Variants in NTM observed in about 807,000 individuals in gnomAD.
NTM encodes the protein IgLON family member 2.
NTM carries 13 observed loss-of-function variants against 42.1 expected under a neutral mutation model. That is an observed-to-expected ratio of 0.31 (90% CI 0.20 to 0.49). NTM has a LOEUF of 0.49. Ranked by LOEUF, NTM falls within the 20% of genes least tolerant of loss-of-function variation. The probability of loss-of-function intolerance (pLI) is 0.99; values close to 1 mark genes in which losing one functional copy is unlikely to be tolerated. For missense variants in NTM, 373 were observed against 452.8 expected, an observed-to-expected ratio of 0.82 and a Z score of 1.60; for synonymous variants, 187 against 179.2, an observed-to-expected ratio of 1.04 and a Z score of -0.35.
intron 1 of NTM, among the ~76,000 whole-genome samples, chr11:131,886,136 A>G (rs1056545388): frequency 5.3e-5 from 8 of 152,224 alleles, no homozygotes; most frequent in African/African-American, 1.7e-4. Context: ...AGCAAGGCTC[A>G]GTGAAGCCAG....
At chr11:131,752,390 C>A (rs1331036821) in intron 1 of NTM, among the ~76,000 whole-genome samples, 1 of 152,158 alleles carries the variant, frequency 6.6e-6, no homozygotes, top group Non-Finnish European at 1.5e-5. Context: ...CAGGAAACAA[C>A]AGGTGCTGGA....
intron 1 of NTM, among the ~76,000 whole-genome samples, chr11:131,612,408 G>A (rs1034478534): frequency 1.1e-4 from 17 of 152,244 alleles, no homozygotes; most frequent in Admixed American, 3.3e-4. Flanking sequence ...AAATGTACTA[G>A]AACTGTGGAG....
At chr11:132,079,404 G>A (rs565201251) in intron 2 of NTM, among the ~76,000 whole-genome samples, 15 of 152,160 alleles carry the variant, frequency 9.9e-5, no homozygotes, top group Admixed American at 2.6e-4. Flanking sequence ...AAACTCTAGC[G>A]CCCGAAGAAA....
intron 4 of NTM, among the ~76,000 whole-genome samples, chr11:132,288,194 A>T (rs2094321939): frequency 6.6e-6 from 1 of 152,172 alleles, no homozygotes; most frequent in African/African-American, 2.4e-5. Context: ...GCAGAATATG[A>T]TTCTTAGTGG....
rs547927625 is a variant in NTM at position 131,890,651 on chromosome 11, T to G, written c.83-20913T>G. Among the ~76,000 whole-genome samples the G allele has an allele frequency of 7.9e-5, 12 of 152,318 alleles. No individual in the cohort carries two copies. In the South Asian group the frequency reaches 2.3e-3, roughly 29 times the overall value. On this transcript the variant is annotated intron_variant, in intron 1 of 8. Transcript: ENST00000683400. ...TTCTCTGAACAACTTTCATCCCTGG[T>G]CAGCTGATTAAAAATAGCACCACTA...
At chr11:132,207,986 A>G (rs956886126) in intron 3 of NTM, among the ~76,000 whole-genome samples, 1 of 152,156 alleles carries the variant, frequency 6.6e-6, no homozygotes, top group African/African-American at 2.4e-5. Context: ...TATCTTATTT[A>G]GTTTATGTCT....
rs997041590 is a variant in NTM at position 132,255,193 on chromosome 11, T to A, written c.526+43046T>A. On this transcript the variant is annotated intron_variant, in intron 4 of 8. Coordinates refer to ENST00000683400, the MANE Select transcript of NTM (RefSeq NM_001352005.2). ...TTTGAGCCTGAACATTTTTTTTATCTCTTTGGTTTGAGTCTGATCTCTTTC... is the reference window on the plus strand; with the variant it reads ...TTTGAGCCTGAACATTTTTTTTATCACTTTGGTTTGAGTCTGATCTCTTTC... 9.1e-4 allele frequency among the ~76,000 whole-genome samples: 138 copies of A among 152,206 alleles called. 1 individual carries two copies. Among genetic ancestry groups the A allele is most frequent in the Non-Finnish European group, 1.3e-4 (9 of 68,046 alleles).
chr11:131,500,258 T>C (rs916488334), intron 1 of NTM, among the ~76,000 whole-genome samples: 2 of 152,150 alleles, frequency 1.3e-5, no homozygotes, highest in African/African-American at 4.8e-5. Flanking sequence ...ACTCCTTCCT[T>C]TCTCTCTTTG....
At chr11:131,839,454 C>A (rs569429666) in intron 1 of NTM, among the ~76,000 whole-genome samples, 2 of 152,154 alleles carry the variant, frequency 1.3e-5, no homozygotes, top group Non-Finnish European at 2.9e-5. Flanking sequence ...GAAAGAAAGT[C>A]CACCTGAGGA....
intron 1 of NTM, among the ~76,000 whole-genome samples, chr11:131,860,514 A>T (rs771736111): frequency 6.6e-6 from 1 of 152,208 alleles, no homozygotes; most frequent in Non-Finnish European, 1.5e-5. Flanking sequence ...CGCTGGTCAT[A>T]TCGTCACCCT....
chr11:131,841,306 C>T (rs1417729497), intron 1 of NTM, among the ~76,000 whole-genome samples: 1 of 152,182 alleles, frequency 6.6e-6, no homozygotes, highest in Non-Finnish European at 1.5e-5. Context: ...TGGTGTTTTT[C>T]ACATCAGAAT....
intron 8 of NTM, among the ~76,000 whole-genome samples, chr11:132,333,672 G>T (rs922164488): frequency 1.3e-5 from 2 of 152,140 alleles, no homozygotes; most frequent in African/African-American, 4.8e-5. Context: ...TCAGCATGGG[G>T]ATCTGCACCT....
rs869096219 is a variant in NTM at position 131,873,611 on chromosome 11, CCGTATATATAT to C, written c.83-37952_83-37942del. Among the ~76,000 whole-genome samples the C allele has an allele frequency of 1.9e-3, 81 of 43,434 alleles. 2 individuals carry two copies. Among genetic ancestry groups the C allele is most frequent in the East Asian group, 9.9e-3 (11 of 1,106 alleles). 28.5% of individuals were successfully genotyped at this position (43,434 alleles called of 152,430 possible). A position where few individuals can be genotyped will look rare whatever the true frequency, so the allele number is the denominator to read the frequency against. On this transcript the variant is annotated intron_variant, in intron 1 of 8. Coordinates refer to ENST00000683400, the MANE Select transcript of NTM (RefSeq NM_001352005.2). ...CCGTATATATATACATATATATATACCGTATATATATACATATATATATACACATATATATA... is the reference window on the plus strand; with the variant it reads ...CCGTATATATATACATATATATATACACATATATATATACACATATATATA...
chr11:131,774,980 C>T (rs1362337974), intron 1 of NTM, among the ~76,000 whole-genome samples: 1 of 152,176 alleles, frequency 6.6e-6, no homozygotes, highest in African/African-American at 2.4e-5. Flanking sequence ...GCACATCTCT[C>T]TGGGAGTTTT....
chr11:132,138,916 C>T (rs969982798), intron 2 of NTM, among the ~76,000 whole-genome samples: 1 of 152,200 alleles, frequency 6.6e-6, no homozygotes, highest in African/African-American at 2.4e-5. Flanking sequence ...TACCAGCTGT[C>T]TGGCATCCCA....
chr11:131,382,413 C>A (rs1431165699), intron 1 of NTM, among the ~76,000 whole-genome samples: 1 of 152,078 alleles, frequency 6.6e-6, no homozygotes, highest in Non-Finnish European at 1.5e-5. Context: ...ATATCTCAAA[C>A]TGATAGGGGG....
rs549281420 is a variant in NTM, at chr11:132,198,263, T to TGGTGCAGTCTTGGCTC, written c.401-13758_401-13743dup. Among the ~76,000 whole-genome samples, 1,251 of 152,332 alleles carry TGGTGCAGTCTTGGCTC rather than the reference T, an allele frequency of 8.2e-3. 5 individuals are homozygous for TGGTGCAGTCTTGGCTC. Among genetic ancestry groups the TGGTGCAGTCTTGGCTC allele is most frequent in the South Asian group, 0.025 (122 of 4,828 alleles). ...CCATGATGCCCTTGCTGGGGTGCAG[T>TGGTGCAGTCTTGGCTC]GGTGCAGTCTTGGCTCACTGCAGCC... On this transcript the variant is annotated intron_variant, in intron 3 of 8. Transcript: ENST00000683400.
intron 2 of NTM, among the ~76,000 whole-genome samples, chr11:131,967,967 T>A (rs1054443171): frequency 6.6e-6 from 1 of 152,140 alleles, no homozygotes; most frequent in African/African-American, 2.4e-5. Context: ...CTCCCCAAAG[T>A]CCCTTGACCT....
At position 131,996,703 on chromosome 11, in the gene NTM, C is replaced by T. The variant is rs368148381; in HGVS notation, c.167+85055C>T. Among the ~76,000 whole-genome samples, 15 of 152,228 alleles carry T rather than the reference C, an allele frequency of 9.9e-5. 1 individual carries two copies. Among genetic ancestry groups the T allele is most frequent in the African/African-American group, 2.6e-4 (11 of 41,536 alleles). On this transcript the variant is annotated intron_variant, in intron 2 of 8. Transcript: ENST00000683400. ...TTGTCGTCTTCATACTTGCTTTACC[C>T]GCCACTCTTCAAGGTTCCTGGAAGC... is the stretch of plus-strand genomic sequence containing the variant.
Sources: allele counts gnomAD v4.1 joint callset (sites outside exome capture counted in the v4.1 genomes callset), GRCh38; gene constraint gnomAD v4.1.1; transcripts MANE v1.5; gene names NCBI Gene and HGNC (gene_info 2026-07-23, HGNC 2026-07-21).